FBXO34: variants seen among roughly 807,000 people sequenced by gnomAD.
FBXO34 encodes the protein F-box protein 34.
Under a neutral mutation model 24.5 loss-of-function variants are expected in FBXO34, and 12 were observed. The ratio of observed to expected loss-of-function variants is 0.49; its 90% confidence interval spans 0.31 to 0.79. The LOEUF is 0.79. Ranked by LOEUF, FBXO34 falls within the 30% of genes least tolerant of loss-of-function variation. FBXO34 has a pLI of 0.04. For synonymous variants in FBXO34, 320 were observed against 311.9 expected, an observed-to-expected ratio of 1.03 and a Z score of -0.27; for missense variants, 823 against 857.7, an observed-to-expected ratio of 0.96 and a Z score of 0.51.
rs114245367 is a variant in FBXO34, at chr14:55,308,099, A to G, written c.-11+36562A>G. Among the ~76,000 whole-genome samples the G allele has an allele frequency of 1.4e-3, 206 of 152,324 alleles. 3 individuals are homozygous for G. Among genetic ancestry groups the G allele is most frequent in the African/African-American group, 4.3e-3 (178 of 41,562 alleles). On this transcript the variant is annotated intron_variant, in intron 1 of 1. Coordinates refer to ENST00000313833, the MANE Select transcript of FBXO34 (RefSeq NM_017943.4). ...TCTTGCGTGTTGCCGTGTAAGAGTG[A>G]CTTTGCACCTCATTCACCTGCTATG...
chr14:55,325,935 A>T (rs546901735), intron 1 of FBXO34: 27 of 152,386 alleles, frequency 1.8e-4, no homozygotes, highest in African/African-American at 6.3e-4. Context: ...GCAAAGTGGC[A>T]AATTATCCCC....
the FBXO34 span, among the ~76,000 whole-genome samples, chr14:55,426,627 A>G: frequency 6.6e-6 from 1 of 152,162 alleles, no homozygotes; most frequent in Non-Finnish European, 1.5e-5. Context: ...TGAGGCTGAC[A>G]GCCGAATGGA....
At chr14:55,379,348 C>A in the FBXO34 span, among the ~76,000 whole-genome samples, 1 of 151,724 alleles carries the variant, frequency 6.6e-6, no homozygotes, top group African/African-American at 2.4e-5. Context: ...CCAGCCTGGG[C>A]AACATAGGGA....
the FBXO34 span, chr14:55,394,833 C>G: frequency 6.5e-6 from 2 of 306,658 alleles, no homozygotes; most frequent in South Asian, 6.0e-5. Flanking sequence ...AACTAACCCC[C>G]CAACTACGGA....
chr14:55,347,801 G>T (rs1386389716), intron 1 of FBXO34, among the ~76,000 whole-genome samples: 1 of 152,216 alleles, frequency 6.6e-6, no homozygotes, highest in Non-Finnish European at 1.5e-5. Context: ...TATGGGGGAA[G>T]AAGTCAAAGA....
chr14:55,436,179 C>G, the FBXO34 span, among the ~76,000 whole-genome samples: 2 of 151,990 alleles, frequency 1.3e-5, no homozygotes, highest in African/African-American at 4.8e-5. Context: ...TTTTTCAAAA[C>G]AATGCCTCAA....
At chr14:55,293,566 A>G (rs1360777668) in intron 1 of FBXO34, among the ~76,000 whole-genome samples, 1 of 152,020 alleles carries the variant, frequency 6.6e-6, no homozygotes, top group African/African-American at 2.4e-5. Context: ...GTATCGTCTC[A>G]CTTATCTGGA....
chr14:55,440,124 A>G, the FBXO34 span, among the ~76,000 whole-genome samples: 7 of 151,592 alleles, frequency 4.6e-5, no homozygotes, highest in South Asian at 2.1e-4. Context: ...CAATCAATCA[A>G]TCAAAAACCA....
intron 1 of FBXO34, among the ~76,000 whole-genome samples, chr14:55,317,188 G>A (rs983517091): frequency 4.6e-5 from 7 of 152,152 alleles, no homozygotes; most frequent in Non-Finnish European, 8.8e-5. Flanking sequence ...TGGTGTGTTA[G>A]AGCTGGTTCA....
At chr14:55,355,541 T>C (rs564703131), downstream of FBXO34, among the ~76,000 whole-genome samples, 16 of 152,380 alleles carry the variant, frequency 1.1e-4, 1 homozygote, top group Middle Eastern at 3.4e-3. Context: ...ATACACACTT[T>C]TTTTCTTGTC....
chr14:55,321,643 C>T (rs367801625), intron 1 of FBXO34, among the ~76,000 whole-genome samples: 8 of 152,140 alleles, frequency 5.3e-5, no homozygotes, highest in Non-Finnish European at 8.8e-5. Context: ...ATGATCTGCC[C>T]GCCTCAGCCT....
the FBXO34 span, chr14:55,438,995 T>G: frequency 1.3e-4 from 19 of 148,130 alleles, no homozygotes; most frequent in African/African-American, 4.5e-4. Context: ...TGGAGTGCAG[T>G]GGCACCATCT....
downstream of FBXO34, chr14:55,369,450 C>T: frequency 1.7e-6 from 1 of 597,962 alleles, no homozygotes; most frequent in Non-Finnish European, 2.6e-6. Flanking sequence ...CATCACAGGC[C>T]ACTTGGCAAA....
intron 1 of FBXO34, among the ~76,000 whole-genome samples, chr14:55,275,685 G>T (rs1029152300): frequency 1.3e-5 from 2 of 151,576 alleles, no homozygotes; most frequent in Non-Finnish European, 2.9e-5. Context: ...TTAGCCAGGC[G>T]TGGTGGCGGG....
chr14:55,316,565 A>C (rs1280327376), intron 1 of FBXO34, among the ~76,000 whole-genome samples: 1 of 29,026 alleles, frequency 3.4e-5, no homozygotes, highest in Non-Finnish European at 5.9e-5. Context: ...TGTCTCTACC[A>C]AAAAAAAAAA....
chr14:55,285,978 T>C (rs990489761), intron 1 of FBXO34, among the ~76,000 whole-genome samples: 2 of 152,250 alleles, frequency 1.3e-5, no homozygotes, highest in African/African-American at 4.8e-5. Flanking sequence ...TATCTTTAGA[T>C]GTTCAGTCAA....
chr14:55,307,465 A>G (rs887904618), intron 1 of FBXO34, among the ~76,000 whole-genome samples: 8 of 152,206 alleles, frequency 5.3e-5, no homozygotes, highest in Admixed American at 2.6e-4. Context: ...TTAAGCTGTT[A>G]AATTATTTTG....
the FBXO34 span, among the ~76,000 whole-genome samples, chr14:55,416,368 G>A: frequency 1.3e-5 from 2 of 152,122 alleles, no homozygotes; most frequent in African/African-American, 4.8e-5. Flanking sequence ...AAGGTGGGAG[G>A]ATCCCTTGAG....
chr14:55,302,606 G>T (rs1296691350), intron 1 of FBXO34, among the ~76,000 whole-genome samples: 3 of 151,842 alleles, frequency 2.0e-5, no homozygotes, highest in Non-Finnish European at 4.4e-5. Flanking sequence ...TATCTTGTTC[G>T]GGGGCAGGGA....
Sources: allele counts gnomAD v4.1 joint callset (sites outside exome capture counted in the v4.1 genomes callset), GRCh38; gene constraint gnomAD v4.1.1; transcripts MANE v1.5; gene names NCBI Gene and HGNC (gene_info 2026-07-23, HGNC 2026-07-21).